GTF2B: variants seen among roughly 807,000 people sequenced by gnomAD.
The protein encoded by GTF2B is general transcription factor IIB.
GTF2B carries 20 observed loss-of-function variants against 34.6 expected under a neutral mutation model. The ratio of observed to expected loss-of-function variants is 0.58; its 90% CI spans 0.41 to 0.84. The LOEUF (loss-of-function observed/expected upper bound fraction) is 0.84, where lower values mean the gene tolerates loss of function less well. Ranked by LOEUF, GTF2B falls within the 40% of genes least tolerant of loss-of-function variation. The pLI is 0.00. For synonymous variants in GTF2B, 142 were observed against 132.4 expected (o/e 1.07, Z -0.50); for missense variants, 237 against 393.3 (o/e 0.60, Z 3.36).
At position 88,891,548 on chromosome 1, in the gene GTF2B, A is replaced by C. The variant is rs371544572; in HGVS notation, c.-49T>G. ...CAACAAGACACAACAGACACACCGAAAGCAGGAAGCGAATGTGGCGAAGAG... is the reference window on the plus strand; with the variant it reads ...CAACAAGACACAACAGACACACCGACAGCAGGAAGCGAATGTGGCGAAGAG... On this transcript the variant is annotated 5_prime_UTR_variant, in exon 1 of 7. Transcript: ENST00000370500. 3 of 1,561,930 alleles carry C rather than the reference A, an allele frequency of 1.9e-6. No individual in the cohort carries two copies. Among genetic ancestry groups the C allele is most frequent in the Admixed American group, 1.8e-5 (1 of 56,034 alleles).
rs575223168 is a variant in GTF2B, at chr1:88,870,206, G to A, written c.125-6092C>T. Among the ~76,000 whole-genome samples the A allele has an allele frequency of 3.9e-5, 6 of 152,294 alleles. No homozygotes were observed. In the South Asian group the frequency reaches 6.2e-4, roughly 16 times the overall value. Reference sequence around the variant, plus strand: ...CTCCCAAAGTGCTGGGATTACAGGCGTGAGCCACCGCGCCAGGCTGCCAAA... The same window carrying A: ...CTCCCAAAGTGCTGGGATTACAGGCATGAGCCACCGCGCCAGGCTGCCAAA... On this transcript the variant is annotated intron_variant, in intron 2 of 6. Coordinates refer to ENST00000370500, the MANE Select transcript of GTF2B (RefSeq NM_001514.6).
intron 4 of GTF2B, 63 bp downstream of exon 4, chr1:88,860,075 ATG>A: frequency 6.2e-7 from 1 of 1,610,414 alleles, no homozygotes; most frequent in Non-Finnish European, 8.5e-7. Context: ...TCAAAATTTC[ATG>A]TGTTCATTAA....
rs1419807679 is a variant in GTF2B, at chr1:88,860,024, G to T, written c.406-13C>A. Reference sequence around the variant, plus strand: ...TATTTGTTCGATCCTTCAAAGCAGAGAAACTAAGTTTAACTCTACGTCATT... The same window carrying T: ...TATTTGTTCGATCCTTCAAAGCAGATAAACTAAGTTTAACTCTACGTCATT... On this transcript the variant is annotated splice_polypyrimidine_tract_variant and intron_variant, in intron 4 of 6. Coordinates refer to ENST00000370500, the MANE Select transcript of GTF2B (RefSeq NM_001514.6). 1 of 1,613,164 alleles carries T rather than the reference G, an allele frequency of 6.2e-7. No individual in the cohort carries two copies. Among genetic ancestry groups the T allele is most frequent in the Admixed American group, 1.7e-5 (1 of 59,940 alleles).
chr1:88,869,878 C>T (rs1673649230), intron 2 of GTF2B, among the ~76,000 whole-genome samples: 1 of 152,066 alleles, frequency 6.6e-6, no homozygotes, highest in Admixed American at 6.6e-5. Flanking sequence ...CCGCCTCGGC[C>T]TCCCCAAGTG....
chr1:88,891,161 A>AG (rs1674194033), intron 1 of GTF2B, among the ~76,000 whole-genome samples: 1 of 94,292 alleles, frequency 1.1e-5, no homozygotes, highest in Non-Finnish European at 2.0e-5. Context: ...GAGGGTGGGA[A>AG]GAAGAGAAAA....
chr1:88,865,652 A>G (rs1673530602), intron 2 of GTF2B, among the ~76,000 whole-genome samples: 1 of 152,156 alleles, frequency 6.6e-6, no homozygotes, highest in African/African-American at 2.4e-5. Flanking sequence ...TGGGAATTTG[A>G]GATCAGCCTG....
chr1:88,853,696 C>T (rs970618603), intron 6 of GTF2B, among the ~76,000 whole-genome samples: 4 of 152,070 alleles, frequency 2.6e-5, no homozygotes, highest in Non-Finnish European at 5.9e-5. Flanking sequence ...CCCAGCTACT[C>T]AGGAGGCTGA....
chr1:88,856,305 G>GAAAAAAAAAAAAA (rs1673314311), intron 6 of GTF2B, among the ~76,000 whole-genome samples: 1 of 118,226 alleles, frequency 8.5e-6, no homozygotes. Context: ...AAAAAAAAAG[G>GAAAAAAAAAAAAA]AAAAGAAATT....
At chr1:88,869,228 G>A (rs1320707090) in intron 2 of GTF2B, among the ~76,000 whole-genome samples, 1 of 152,120 alleles carries the variant, frequency 6.6e-6, no homozygotes, top group Non-Finnish European at 1.5e-5. Flanking sequence ...AAAGTATATG[G>A]GAGGATGTGC....
intron 2 of GTF2B, among the ~76,000 whole-genome samples, chr1:88,884,500 TTAAA>T (rs1352979587): frequency 6.6e-6 from 1 of 152,250 alleles, no homozygotes; most frequent in African/African-American, 2.4e-5. Context: ...GCTAACAGTC[TTAAA>T]TAAATTTATT....
intron 2 of GTF2B, among the ~76,000 whole-genome samples, chr1:88,865,933 CAGG>C (rs1479869053): frequency 1.3e-5 from 2 of 152,038 alleles, no homozygotes; most frequent in Non-Finnish European, 2.9e-5. Flanking sequence ...AGTATTTGAT[CAGG>C]AGGACAGCAA....
intron 6 of GTF2B, among the ~76,000 whole-genome samples, chr1:88,856,629 G>T (rs1673318897): frequency 6.6e-6 from 1 of 151,694 alleles, no homozygotes; most frequent in Non-Finnish European, 1.5e-5. Context: ...ATATATTCAG[G>T]GAGAAAAAAG....
At chr1:88,857,096 T>C (rs918512123) in intron 6 of GTF2B, 110 bp downstream of exon 6, 4 of 992,296 alleles carry the variant, frequency 4.0e-6, no homozygotes, top group Non-Finnish European at 6.1e-6. Flanking sequence ...CCCCCGCGCC[T>C]GGTCAAATGT....
chr1:88,874,045 C>T (rs1673759173), intron 2 of GTF2B, among the ~76,000 whole-genome samples: 1 of 152,174 alleles, frequency 6.6e-6, no homozygotes. Context: ...TCAGGGTACT[C>T]TGCCTCATAT....
Position 88,870,744 on chromosome 1 carries a change from T to A in GTF2B, c.125-6630A>T, listed in dbSNP as rs1412911810. 1.3e-5 allele frequency among the ~76,000 whole-genome samples: 2 copies of A among 152,178 alleles called. 1 individual carries two copies. The highest frequency in any genetic ancestry group is 1.3e-4 in the Admixed American group (2 of 15,278). On this transcript the variant is annotated intron_variant, in intron 2 of 6. Transcript: ENST00000370500. ...CTAGTCAAAACTTTCAAAACAGTGC[T>A]CTTGATTTTAAACTGAAACATTTCA...
In GTF2B at chr1:88,860,177, G is replaced by T; in HGVS notation, c.368C>A (p.Thr123Asn). 1 of 1,613,994 alleles carries T rather than the reference G, an allele frequency of 6.2e-7. No individual in the cohort carries two copies. Among genetic ancestry groups the T allele is most frequent in the Non-Finnish European group, 8.5e-7 (1 of 1,179,870 alleles). ...AMMNAFKEIT[T>N]MADRINLPRN... Reference sequence around the variant, plus strand: ...AGGTAGATTGATTCTGTCTGCCATGGTAGTGATTTCTTTGAATGCATTCAT... The same window carrying T: ...AGGTAGATTGATTCTGTCTGCCATGTTAGTGATTTCTTTGAATGCATTCAT... Residue 123 changes from threonine to asparagine, a missense_variant, in exon 4 of 7, where the codon ACC becomes AAC. By Grantham distance (65) the Thr-to-Asn change is moderately conservative. Around this residue, in one of 3 missense-constraint regions of GTF2B, gnomAD observed 130 missense variants for 170.9 expected, o/e 0.76. Transcript: ENST00000370500.
rs1211705155 is a variant in GTF2B, at chr1:88,852,687, G to C, written c.*526C>G. ...CAAGCTGGTGCCTTTCAAGGCCCAA[G>C]CTCATCACTTCTTGTTTAATAATAT... On this transcript the variant is annotated 3_prime_UTR_variant, in exon 7 of 7. Coordinates refer to ENST00000370500, the MANE Select transcript of GTF2B (RefSeq NM_001514.6). Among the ~76,000 whole-genome samples, 1 of 150,794 alleles carries C rather than the reference G, an allele frequency of 6.6e-6. No homozygotes were observed. The highest frequency in any genetic ancestry group is 2.5e-5 in the African/African-American group (1 of 40,138).
chr1:88,876,397 C>G (rs1184808241), intron 2 of GTF2B, among the ~76,000 whole-genome samples: 2 of 152,114 alleles, frequency 1.3e-5, no homozygotes, highest in African/African-American at 4.8e-5. Flanking sequence ...AAGGGGGAAG[C>G]CGAACACAGT....
chr1:88,886,293 T>C (rs772885774), intron 2 of GTF2B, among the ~76,000 whole-genome samples: 2 of 152,192 alleles, frequency 1.3e-5, no homozygotes, highest in Admixed American at 1.3e-4. Context: ...ACAATCCTTC[T>C]AGAATTTTCA....
Sources: allele counts gnomAD v4.1 joint callset (sites outside exome capture counted in the v4.1 genomes callset), GRCh38; gene constraint gnomAD v4.1.1; regional missense constraint gnomAD v4.1.1; transcripts MANE v1.5; gene names NCBI Gene and HGNC (gene_info 2026-07-23, HGNC 2026-07-21).